The following ZNF804B variants were observed in gnomAD, a reference collection of about 807,000 sequenced individuals.
ZNF804B encodes the protein zinc finger 804B.
In ZNF804B, 80 loss-of-function variants were observed where a neutral mutation model predicts 101.4. The ratio of observed to expected loss-of-function variants is 0.79; its 90% CI spans 0.66 to 0.95. The LOEUF (loss-of-function observed/expected upper bound fraction) is 0.95, where lower values mean the gene tolerates loss of function less well. ZNF804B is among the 40% of genes least tolerant of loss of function. The pLI, the probability that ZNF804B is intolerant of heterozygous loss-of-function variation, is 0.00. For missense variants in ZNF804B, 1,673 were observed against 1,561.9 expected (o/e 1.07, Z -1.20); for synonymous variants, 622 against 558.8 (o/e 1.11, Z -1.59).
chr7:88,858,220 T>C (rs1791599761), intron 1 of ZNF804B, among the ~76,000 whole-genome samples: 1 of 152,222 alleles, frequency 6.6e-6, no homozygotes, highest in Non-Finnish European at 1.5e-5. Flanking sequence ...CAAATTAGGC[T>C]AACCTCTGAG....
chr7:89,043,610 A>G (rs1789053587), intron 1 of ZNF804B, among the ~76,000 whole-genome samples: 1 of 152,238 alleles, frequency 6.6e-6, no homozygotes, highest in Non-Finnish European at 1.5e-5. Flanking sequence ...GGAATTCTGT[A>G]TTAACTTTTG....
At chr7:88,794,298 C>G in intron 1 of ZNF804B, 1 of 1,613,796 alleles carries the variant, frequency 6.2e-7, no homozygotes, top group Non-Finnish European at 8.5e-7. Flanking sequence ...TGCACAAGTA[C>G]TTTATGATTT....
chr7:89,289,998 G>A (rs1319867539), intron 2 of ZNF804B, among the ~76,000 whole-genome samples: 2 of 152,138 alleles, frequency 1.3e-5, no homozygotes, highest in African/African-American at 2.4e-5. Flanking sequence ...AGAGGACTTT[G>A]TCTTGCATCT....
At chr7:88,901,568 A>C (rs891252675) in intron 1 of ZNF804B, among the ~76,000 whole-genome samples, 3 of 151,250 alleles carry the variant, frequency 2.0e-5, no homozygotes, top group African/African-American at 7.3e-5. Flanking sequence ...TCTCTTGATA[A>C]TTTTTTTTCT....
chr7:89,092,408 GTTTTTTT>G (rs71120056), intron 1 of ZNF804B, among the ~76,000 whole-genome samples: 15 of 93,822 alleles, frequency 1.6e-4, no homozygotes, highest in African/African-American at 5.0e-4. Context: ...TTTCTTTTCT[GTTTTTTT>G]TTTTTTTTTT....
intron 2 of ZNF804B, among the ~76,000 whole-genome samples, chr7:89,233,924 G>A (rs1052825844): frequency 6.6e-6 from 1 of 152,160 alleles, no homozygotes. Context: ...CTCCCTGCCA[G>A]TTTTTTCTTA....
intron 1 of ZNF804B, among the ~76,000 whole-genome samples, chr7:89,196,566 C>G (rs1334491849): frequency 6.6e-6 from 1 of 151,984 alleles, no homozygotes; most frequent in Non-Finnish European, 1.5e-5. Context: ...TAGGCAGAGG[C>G]AAAGATTTCA....
chr7:88,830,425 A>T (rs1791114723), intron 1 of ZNF804B, among the ~76,000 whole-genome samples: 1 of 152,056 alleles, frequency 6.6e-6, no homozygotes, highest in Non-Finnish European at 1.5e-5. Context: ...ATAATTTTTC[A>T]TTCTATTTCT....
At position 89,200,765 on chromosome 7, in the gene ZNF804B, C is replaced by G. The variant is rs143665082; in HGVS notation, c.109-17390C>G. 3.3e-5 allele frequency among the ~76,000 whole-genome samples: 5 copies of G among 152,098 alleles called. No homozygotes were observed. The East Asian group carries it at 9.6e-4, about 29-fold the overall frequency. Reference sequence around the variant, plus strand: ...GCCAACATATGATTTTTAAATTGTACTTTACAGCACCGCAACCCTGATTCT... The same window carrying G: ...GCCAACATATGATTTTTAAATTGTAGTTTACAGCACCGCAACCCTGATTCT... On this transcript the variant is annotated intron_variant, in intron 1 of 3. Transcript: ENST00000333190.
intron 1 of ZNF804B, among the ~76,000 whole-genome samples, chr7:88,993,120 T>C (rs960157209): frequency 3.9e-5 from 6 of 152,064 alleles, no homozygotes; most frequent in African/African-American, 1.4e-4. Flanking sequence ...TTTATATATA[T>C]GCTTTATCCA....
chr7:88,954,896 G>A (rs1324013688), intron 1 of ZNF804B, among the ~76,000 whole-genome samples: 4 of 151,560 alleles, frequency 2.6e-5, no homozygotes, highest in African/African-American at 4.8e-5. Context: ...TAAGAATTAC[G>A]TGAGTCTGAC....
chr7:89,104,738 C>T (rs1790110359), intron 1 of ZNF804B, among the ~76,000 whole-genome samples: 1 of 151,716 alleles, frequency 6.6e-6, no homozygotes, highest in African/African-American at 2.4e-5. Flanking sequence ...TGATTCTCTG[C>T]TCTATCCTTC....
chr7:89,194,485 T>G (rs1018718419), intron 1 of ZNF804B, among the ~76,000 whole-genome samples: 1 of 150,494 alleles, frequency 6.6e-6, no homozygotes, highest in South Asian at 2.1e-4. Flanking sequence ...GAATTAATTT[T>G]TGTATAAGGT....
intron 2 of ZNF804B, among the ~76,000 whole-genome samples, chr7:89,303,612 C>T (rs1002221364): frequency 4.0e-5 from 6 of 151,888 alleles, no homozygotes; most frequent in African/African-American, 1.4e-4. Flanking sequence ...GCAAATAGTA[C>T]TCACAGAGTT....
At chr7:89,178,900 A>C (rs1404241812) in intron 1 of ZNF804B, among the ~76,000 whole-genome samples, 1 of 152,118 alleles carries the variant, frequency 6.6e-6, no homozygotes, top group Non-Finnish European at 1.5e-5. Flanking sequence ...GAAAGTCTTT[A>C]TCTCTCCTTC....
chr7:89,153,817 C>A (rs889071465), intron 1 of ZNF804B, among the ~76,000 whole-genome samples: 1 of 152,072 alleles, frequency 6.6e-6, no homozygotes, highest in Non-Finnish European at 1.5e-5. Context: ...CACCTTTCAG[C>A]TTTTGACTGA....
At chr7:89,087,166 G>A (rs1789817351) in intron 1 of ZNF804B, among the ~76,000 whole-genome samples, 1 of 151,858 alleles carries the variant, frequency 6.6e-6, no homozygotes, top group East Asian at 1.9e-4. Flanking sequence ...ATATTTGGAA[G>A]CTTAAATGAA....
intron 1 of ZNF804B, among the ~76,000 whole-genome samples, chr7:89,180,065 G>C (rs1490843940): frequency 2.6e-5 from 4 of 152,112 alleles, no homozygotes; most frequent in Non-Finnish European, 4.4e-5. Context: ...AGGAGTCCCT[G>C]TGTCCACCAC....
At chr7:88,935,081 T>G (rs1016144007) in intron 1 of ZNF804B, among the ~76,000 whole-genome samples, 3 of 151,456 alleles carry the variant, frequency 2.0e-5, no homozygotes, top group African/African-American at 7.3e-5. Context: ...ACACATACCA[T>G]GGAATACTAT....
Sources: allele counts gnomAD v4.1 joint callset (sites outside exome capture counted in the v4.1 genomes callset), GRCh38; gene constraint gnomAD v4.1.1; transcripts MANE v1.5; gene names NCBI Gene and HGNC (gene_info 2026-07-23, HGNC 2026-07-21).